Variants in DYTN observed in about 807,000 individuals in gnomAD.
DYTN encodes the protein dystrotelin.
A neutral mutation model predicts 69.6 loss-of-function variants in DYTN; 75 were observed. That is an observed-to-expected ratio of 1.08 (90% CI 0.89 to 1.31). DYTN has a LOEUF of 1.31. DYTN is among the 50% of genes most tolerant of loss of function. DYTN has a pLI of 0.00. For missense variants in DYTN, 726 were observed against 688.4 expected, an observed-to-expected ratio of 1.05 and a Z score of -0.61; for synonymous variants, 252 against 249.1, an observed-to-expected ratio of 1.01 and a Z score of -0.11.
intron 9 of DYTN, among the ~76,000 whole-genome samples, chr2:206,687,816 A>T (rs1489254459): frequency 5.3e-5 from 8 of 152,104 alleles, no homozygotes; most frequent in Admixed American, 2.0e-4. Flanking sequence ...TATATTTTGT[A>T]TTCTCATCCT....
chr2:206,686,543 C>T (rs1699811102), intron 9 of DYTN: 1 of 152,290 alleles, frequency 6.6e-6, no homozygotes, highest in Non-Finnish European at 1.5e-5. Context: ...AGGAAGTTCT[C>T]TGTGACCAGG....
intron 1 of DYTN, among the ~76,000 whole-genome samples, chr2:206,714,435 C>A (rs1700108803): frequency 6.6e-6 from 1 of 152,204 alleles, no homozygotes; most frequent in African/African-American, 2.4e-5. Context: ...ATCTCCTGAC[C>A]TCATGGTCTG....
Position 206,707,353 on chromosome 2 carries a change from T to C in DYTN, c.245A>G (p.His82Arg), listed in dbSNP as rs368526887. Residue 82 changes from histidine (H) to arginine (R), a missense_variant, in exon 3 of 12, where the codon CAT (histidine) becomes CGT (arginine). Coordinates refer to ENST00000452335, the MANE Select transcript of DYTN (RefSeq NM_001093730.1). Reference protein sequence around the residue: ...KAREENPGQVHPRAPELTLSL... With the variant: ...KAREENPGQVRPRAPELTLSL... ...CAGAGTGAGTTCCGGAGCTCTGGGA[T>C]GCACTTGTCCTGGGTTTTCCTCCCT... 25 of 1,612,728 alleles carry C rather than the reference T, an allele frequency of 1.6e-5. No homozygotes were observed. In the African/African-American group the frequency reaches 3.1e-4, roughly 20 times the overall value.
chr2:206,691,410 C>T (rs887126340), intron 9 of DYTN, among the ~76,000 whole-genome samples: 1 of 151,482 alleles, frequency 6.6e-6, no homozygotes, highest in South Asian at 2.1e-4. Context: ...AAGACTCCAT[C>T]TTAAAAAAAA....
intron 9 of DYTN, among the ~76,000 whole-genome samples, chr2:206,684,019 T>G (rs1699780610): frequency 1.3e-5 from 2 of 152,150 alleles, no homozygotes; most frequent in South Asian, 4.1e-4. Flanking sequence ...TATATACCAT[T>G]TCCATTTGTC....
At chr2:206,667,271 G>A (rs1464274334) in intron 9 of DYTN, among the ~76,000 whole-genome samples, 1 of 152,046 alleles carries the variant, frequency 6.6e-6, no homozygotes, top group Non-Finnish European at 1.5e-5. Context: ...GTGGCCATAT[G>A]GAGCTCCTCG....
chr2:206,699,853 G>T lies in DYTN; in HGVS notation c.593C>A (p.Ser198Tyr). The stretch of plus-strand genomic sequence containing the variant: ...GATGGGAGGCTCAGATTGGACCCAA[G>T]ACAGGAATTTTTCTTCTTTGATTGC... ...SPAIKEEKFL[S>Y]WVQSEPPILL... Residue 198 changes from serine (S) to tyrosine (Y), a missense_variant, in exon 7 of 12, where the codon TCT becomes TAT. Coordinates refer to ENST00000452335, the MANE Select transcript of DYTN (RefSeq NM_001093730.1). 6.2e-7 allele frequency: 1 copy of T among 1,613,690 alleles called. No individual in the cohort carries two copies. Among genetic ancestry groups the T allele is most frequent in the African/African-American group, 1.3e-5 (1 of 75,014 alleles).
rs911977689 is a variant in DYTN, at chr2:206,675,113, A to G, written c.981-9084T>C. 2.3e-3 allele frequency among the ~76,000 whole-genome samples: 287 copies of G among 122,652 alleles called. 1 individual carries two copies. The highest frequency in any genetic ancestry group is 7.4e-3 in the African/African-American group (235 of 31,806). 80.5% of individuals were successfully genotyped at this position (122,652 alleles called of 152,430 possible). On this transcript the variant is annotated intron_variant, in intron 9 of 11. Transcript: ENST00000452335. ...ATTGGAGGGGAAAAAACATATATAT[A>G]TATGTGTGTGTGTGTGTGTGTGTGT...
chr2:206,673,606 A>T (rs2105891381), intron 9 of DYTN, among the ~76,000 whole-genome samples: 1 of 152,322 alleles, frequency 6.6e-6, no homozygotes, highest in African/African-American at 2.4e-5. Context: ...CTGAGTTGGC[A>T]AGTTAAGGCC....
intron 9 of DYTN, among the ~76,000 whole-genome samples, chr2:206,670,960 G>A (rs567606716): frequency 2.0e-5 from 3 of 152,180 alleles, no homozygotes; most frequent in African/African-American, 7.2e-5. Context: ...TCCTTTGCTT[G>A]CTACCTGCGT....
intron 3 of DYTN, among the ~76,000 whole-genome samples, chr2:206,706,304 G>A (rs1700024779): frequency 6.6e-6 from 1 of 152,066 alleles, no homozygotes; most frequent in African/African-American, 2.4e-5. Flanking sequence ...CCCTCACTCA[G>A]AGCCTAATCA....
chr2:206,702,728 G>T (rs1699987289), intron 5 of DYTN, among the ~76,000 whole-genome samples: 3 of 150,156 alleles, frequency 2.0e-5, no homozygotes, highest in African/African-American at 7.6e-5. Context: ...GGATAACATA[G>T]GATGACTCTC....
At chr2:206,672,791 A>G (rs1162039499) in intron 9 of DYTN, among the ~76,000 whole-genome samples, 5 of 152,264 alleles carry the variant, frequency 3.3e-5, no homozygotes, top group Admixed American at 3.3e-4. Flanking sequence ...GGGCAAATAA[A>G]CAGCTGATTG....
intron 11 of DYTN, among the ~76,000 whole-genome samples, chr2:206,652,247 G>C (rs374881998): frequency 2.0e-5 from 3 of 152,152 alleles, no homozygotes; most frequent in African/African-American, 7.2e-5. Flanking sequence ...CAGATTTCTG[G>C]ACCACACCTA....
intron 1 of DYTN, among the ~76,000 whole-genome samples, chr2:206,713,159 A>C (rs913701118): frequency 1.3e-5 from 2 of 152,226 alleles, no homozygotes; most frequent in African/African-American, 4.8e-5. Context: ...CATGCACAGC[A>C]TGTTTCAAAA....
At chr2:206,702,951 T>A (rs1699989937) in intron 5 of DYTN, among the ~76,000 whole-genome samples, 1 of 152,070 alleles carries the variant, frequency 6.6e-6, no homozygotes, top group South Asian at 2.1e-4. Flanking sequence ...TTATGATGTT[T>A]AGGGGGGGAT....
intron 11 of DYTN, among the ~76,000 whole-genome samples, chr2:206,656,962 A>G (rs995623483): frequency 4.6e-5 from 7 of 152,030 alleles, no homozygotes; most frequent in South Asian, 2.1e-4. Context: ...GGGTTTCTAC[A>G]TGTTGGTCAG....
intron 5 of DYTN, among the ~76,000 whole-genome samples, chr2:206,704,116 T>C (rs1168527718): frequency 6.6e-6 from 1 of 152,226 alleles, no homozygotes; most frequent in Non-Finnish European, 1.5e-5. Context: ...ATGCATTCTT[T>C]AAGCATTTTT....
chr2:206,680,664 T>C (rs1024397831), intron 9 of DYTN, among the ~76,000 whole-genome samples: 1 of 152,198 alleles, frequency 6.6e-6, no homozygotes, highest in Non-Finnish European at 1.5e-5. Context: ...ACTTAGGTTG[T>C]TTCTGGCTTA....
Sources: gnomAD v4.1 joint callset for allele counts (sites outside exome capture counted in the v4.1 genomes callset) on GRCh38, gnomAD v4.1.1 for gene constraint, MANE v1.5 for transcripts, NCBI Gene and HGNC (gene_info 2026-07-23, HGNC 2026-07-21) for gene names.